WASF3: variants seen among roughly 807,000 people sequenced by gnomAD.
WASF3 encodes WASP family member 3.
A neutral mutation model predicts 46.6 loss-of-function variants in WASF3; 11 were observed. That is an observed-to-expected ratio of 0.24 (90% confidence interval 0.15 to 0.39). The LOEUF is 0.39. Among genes scored for constraint, WASF3 ranks in the 10% least tolerant of loss-of-function variants. WASF3 has a pLI of 1.00. For synonymous variants in WASF3, 242 were observed against 259.7 expected (o/e 0.93, Z 0.65); for missense variants, 576 against 669.8 (o/e 0.86, Z 1.55).
chr13:26,617,814 G>A (rs897415548), intron 2 of WASF3, among the ~76,000 whole-genome samples: 2 of 152,098 alleles, frequency 1.3e-5, no homozygotes, highest in Admixed American at 1.3e-4. Flanking sequence ...CCAGGTGGAG[G>A]TAATTGAATC....
chr13:26,585,378 C>T (rs533831651), intron 1 of WASF3, among the ~76,000 whole-genome samples: 1 of 152,068 alleles, frequency 6.6e-6, no homozygotes, highest in East Asian at 1.9e-4. Flanking sequence ...TTAGGTATGC[C>T]TACACACTTG....
At chr13:26,685,072 AGT>A (rs1222145954) in intron 9 of WASF3, among the ~76,000 whole-genome samples, 1 of 138,626 alleles carries the variant, frequency 7.2e-6, no homozygotes, top group Admixed American at 7.5e-5. Context: ...TGGGTCACAG[AGT>A]GAGACCCAAT....
At chr13:26,595,701 T>C (rs1211821434) in intron 1 of WASF3, among the ~76,000 whole-genome samples, 1 of 152,236 alleles carries the variant, frequency 6.6e-6, no homozygotes, top group African/African-American at 2.4e-5. Flanking sequence ...TCTTCATCTC[T>C]ATTAGTTGTA....
intron 3 of WASF3, among the ~76,000 whole-genome samples, chr13:26,653,877 A>G (rs1299762613): frequency 1.3e-5 from 2 of 152,212 alleles, no homozygotes; most frequent in African/African-American, 4.8e-5. Flanking sequence ...CTCTAATCCC[A>G]CATGTCTAAA....
intron 1 of WASF3, among the ~76,000 whole-genome samples, chr13:26,605,717 C>T (rs901791537): frequency 2.6e-5 from 4 of 152,088 alleles, no homozygotes; most frequent in African/African-American, 7.2e-5. Flanking sequence ...AACTGTTACC[C>T]GAAGGCAGAA....
At chr13:26,650,327 C>T (rs565852942) in intron 3 of WASF3, among the ~76,000 whole-genome samples, 3 of 152,218 alleles carry the variant, frequency 2.0e-5, no homozygotes, top group South Asian at 2.1e-4. Flanking sequence ...GCCCCTCACC[C>T]GACACCCTAC....
At chr13:26,681,527 CTG>C (rs990864056) in intron 8 of WASF3, among the ~76,000 whole-genome samples, 3 of 152,192 alleles carry the variant, frequency 2.0e-5, no homozygotes, top group African/African-American at 7.2e-5. Flanking sequence ...TCAGGCCACA[CTG>C]TGCATGCATG....
At chr13:26,541,661 T>G in the WASF3 span, among the ~76,000 whole-genome samples, 3 of 152,072 alleles carry the variant, frequency 2.0e-5, no homozygotes, top group Non-Finnish European at 4.4e-5. Context: ...TTTTTCTTTT[T>G]TAGAAGAAAT....
intron 2 of WASF3, among the ~76,000 whole-genome samples, chr13:26,629,601 C>T (rs565496358): frequency 9.2e-5 from 14 of 152,258 alleles, no homozygotes; most frequent in African/African-American, 3.4e-4. Flanking sequence ...CCTCCTTCCC[C>T]TGGATGTATG....
intron 7 of WASF3, chr13:26,680,250 T>G: frequency 1.3e-6 from 2 of 1,516,844 alleles, no homozygotes; most frequent in Non-Finnish European, 1.8e-6. Context: ...CTGCCCCTGC[T>G]TCTGCCGCCA....
intron 2 of WASF3, among the ~76,000 whole-genome samples, chr13:26,633,200 C>CTT (rs58237286): frequency 0.38 from 34,512 of 90,072 alleles, 7,349 homozygotes; most frequent in East Asian, 0.64. Flanking sequence ...TTAGTTATTT[C>CTT]TTTTTTTTTT....
At chr13:26,581,666 G>T (rs1010071668) in intron 1 of WASF3, among the ~76,000 whole-genome samples, 1 of 152,078 alleles carries the variant, frequency 6.6e-6, no homozygotes, top group Non-Finnish European at 1.5e-5. Context: ...AAGGGGAAGG[G>T]ATCCCAAATA....
chr13:26,576,911 T>A (rs9319305), intron 1 of WASF3: 219,053 of 766,106 alleles, frequency 0.29, 35,222 homozygotes, highest in East Asian at 0.58. Flanking sequence ...AACAAACGCC[T>A]TACGAAAGGA....
At chr13:26,560,400 G>A (rs1263894855) in intron 1 of WASF3, among the ~76,000 whole-genome samples, 1 of 152,034 alleles carries the variant, frequency 6.6e-6, no homozygotes, top group Non-Finnish European at 1.5e-5. Flanking sequence ...CCGTCTTATT[G>A]TTGTCCTATT....
chr13:26,597,131 C>T (rs1880491574), intron 1 of WASF3, among the ~76,000 whole-genome samples: 1 of 152,000 alleles, frequency 6.6e-6, no homozygotes, highest in Admixed American at 6.6e-5. Context: ...CCCATTATTT[C>T]TATTTATTAT....
At chr13:26,576,634 T>C (rs1181246689) in intron 1 of WASF3, among the ~76,000 whole-genome samples, 2 of 152,216 alleles carry the variant, frequency 1.3e-5, no homozygotes, top group African/African-American at 4.8e-5. Context: ...AAGGTCTAAG[T>C]CAGTGGTTCC....
chr13:26,650,353 G>T (rs1882278977), intron 3 of WASF3, among the ~76,000 whole-genome samples: 1 of 152,168 alleles, frequency 6.6e-6, no homozygotes, highest in South Asian at 2.1e-4. Context: ...CAGCATTAAA[G>T]GCCTGTGTAG....
At chr13:26,648,715 T>C (rs956229358) in intron 3 of WASF3, among the ~76,000 whole-genome samples, 2 of 152,188 alleles carry the variant, frequency 1.3e-5, no homozygotes, top group Admixed American at 1.3e-4. Flanking sequence ...TTTTTAATGC[T>C]GCAAACTTAT....
upstream of WASF3, among the ~76,000 whole-genome samples, chr13:26,553,592 C>T (rs972398262): frequency 6.6e-5 from 10 of 151,762 alleles, no homozygotes; most frequent in Non-Finnish European, 1.0e-4. Context: ...CCGAGGCGGG[C>T]GGATCATGAG....
Sources: gnomAD v4.1 joint callset for allele counts (sites outside exome capture counted in the v4.1 genomes callset) on GRCh38, gnomAD v4.1.1 for gene constraint, MANE v1.5 for transcripts, NCBI Gene and HGNC (gene_info 2026-07-23, HGNC 2026-07-21) for gene names.